The following ADAMTS9 variants were observed in gnomAD, a reference collection of about 807,000 sequenced individuals.
ADAMTS9 encodes the protein A disintegrin and metalloproteinase with thrombospondin motifs 9.
A neutral mutation model predicts 257.1 loss-of-function variants in ADAMTS9; 107 were observed. The observed-to-expected ratio is 0.42, with a 90% confidence interval of 0.36 to 0.49. The LOEUF (loss-of-function observed/expected upper bound fraction) is 0.49. Ranked by LOEUF, ADAMTS9 falls within the 20% of genes least tolerant of loss-of-function variation. The pLI is 0.03. For missense variants in ADAMTS9, 2,353 were observed against 2,469.1 expected, an observed-to-expected ratio of 0.95 and a Z score of 1.00; for synonymous variants, 982 against 880.9, an observed-to-expected ratio of 1.11 and a Z score of -2.03.
chr3:64,633,343 C>T lies in ADAMTS9; in HGVS notation c.2175+129G>A. ...ATTGATGCTGTTGCTGATCCCGGGG[C>T]CACACTTTGAGAACCACTGCCCTGG... On this transcript the variant is annotated intron_variant, in intron 14 of 39. Coordinates refer to ENST00000498707, the MANE Select transcript of ADAMTS9 (RefSeq NM_182920.2). 2.9e-6 allele frequency: 4 copies of T among 1,380,744 alleles called. No individual in the cohort carries two copies. The South Asian group carries it at 5.5e-5, about 19-fold the overall frequency. The allele number at this position is 1,380,744 out of a possible 1,614,324, so 85.5% of individuals were successfully genotyped here.
chr3:64,618,176 C>T (rs1700012283), intron 19 of ADAMTS9, among the ~76,000 whole-genome samples: 1 of 152,154 alleles, frequency 6.6e-6, no homozygotes, highest in Non-Finnish European at 1.5e-5. Flanking sequence ...GAAACTAATC[C>T]TAAACTCCTG....
At chr3:64,661,313 G>A (rs35386077) in intron 3 of ADAMTS9, among the ~76,000 whole-genome samples, 52,080 of 151,824 alleles carry the variant, frequency 0.34, 9,015 homozygotes, top group East Asian at 0.47. Context: ...ACATATATGA[G>A]CTTTCAATAT....
At position 64,533,203 on chromosome 3, in the gene ADAMTS9, T is replaced by C. The variant is rs371438351; in HGVS notation, c.5681A>G (p.Gln1894Arg). ...SLTESARWIS[Q>R]GNYAVSDIKK... Reference sequence around the variant, plus strand: ...GATGTCAGAGACAGCATAATTCCCTTGTGATATCCATCTGGCAGATTCAGT... The same window carrying C: ...GATGTCAGAGACAGCATAATTCCCTCGTGATATCCATCTGGCAGATTCAGT... Residue 1894 changes from glutamine (Q) to arginine (R), a missense_variant, in exon 38 of 40, where the codon CAA becomes CGA. Gln to Arg is a conservative substitution (Grantham distance 43, BLOSUM62 1). Around this residue, in one of 3 missense-constraint regions of ADAMTS9, gnomAD observed 1,402 missense variants for 1,441.4 expected, o/e 0.97. Coordinates refer to ENST00000498707, the MANE Select transcript of ADAMTS9 (RefSeq NM_182920.2). 5.6e-6 allele frequency: 9 copies of C among 1,614,012 alleles called. No homozygotes were observed. In the African/African-American group the frequency reaches 9.3e-5, roughly 17 times the overall value.
At chr3:64,568,995 A>G (rs2083611377) in intron 28 of ADAMTS9, 1 of 157,758 alleles carries the variant, frequency 6.3e-6, no homozygotes, top group African/African-American at 2.4e-5. Flanking sequence ...CATTTTCCAG[A>G]GGATAAGCTC....
chr3:64,533,148 C>T lies in ADAMTS9; in HGVS notation c.5718+18G>A, dbSNP rs1392888224. The T allele has an allele frequency of 6.3e-7, 1 of 1,589,200 alleles. No homozygotes were observed. Among genetic ancestry groups the T allele is most frequent in the Admixed American group, 1.7e-5 (1 of 59,590 alleles). ...AAGAAATAAAAATTCATCTCCCAACCCATCTGTAGAACCTTACCGGCGACT... is the reference window on the plus strand; with the variant it reads ...AAGAAATAAAAATTCATCTCCCAACTCATCTGTAGAACCTTACCGGCGACT... On this transcript the variant is annotated intron_variant, in intron 38 of 39. Transcript: ENST00000498707.
intron 19 of ADAMTS9, among the ~76,000 whole-genome samples, chr3:64,618,657 T>C (rs924343249): frequency 1.3e-5 from 2 of 152,170 alleles, no homozygotes; most frequent in Non-Finnish European, 2.9e-5. Context: ...AGGCAAGCCA[T>C]GTGTAGCATT....
intron 4 of ADAMTS9, among the ~76,000 whole-genome samples, chr3:64,657,693 A>AT (rs71102810): frequency 0.36 from 54,256 of 151,654 alleles, 9,811 homozygotes; most frequent in South Asian, 0.47. Flanking sequence ...AAAATTAGGA[A>AT]TTTTTTTTAA....
Position 64,594,369 on chromosome 3 carries a change from T to C in ADAMTS9, c.4245A>G (p.Glu1415=), listed in dbSNP as rs1207278400. Residue 1415 remains glutamate (E), a synonymous_variant, in exon 28 of 40, where the codon GAA becomes GAG. Transcript: ENST00000498707. ...TTTCACAGCTCAAATCTGGAAACCGTTCACCGTTGGACCGCTGACAGACCA... is the reference window on the plus strand; with the variant it reads ...TTTCACAGCTCAAATCTGGAAACCGCTCACCGTTGGACCGCTGACAGACCA... ...RLVVCQRSNG[E]RFPDLSCEIL... The C allele has an allele frequency of 6.2e-7, 1 of 1,614,068 alleles. No individual in the cohort carries two copies. The highest frequency in any genetic ancestry group is 1.7e-5 in the Admixed American group (1 of 60,012).
At chr3:64,530,042 TTG>T (rs2082957984) in intron 38 of ADAMTS9, among the ~76,000 whole-genome samples, 1 of 147,122 alleles carries the variant, frequency 6.8e-6, no homozygotes, top group African/African-American at 2.5e-5. Context: ...CAAGCTGGTC[TTG>T]AATTCCTGGG....
chr3:64,592,969 C>T (rs2084290426), intron 28 of ADAMTS9, among the ~76,000 whole-genome samples: 1 of 152,048 alleles, frequency 6.6e-6, no homozygotes, highest in East Asian at 1.9e-4. Flanking sequence ...GAAGATGTTC[C>T]TGAGATTCTA....
chr3:64,639,294 T>TTTTTTG (rs369482429), intron 12 of ADAMTS9, among the ~76,000 whole-genome samples: 1 of 31,454 alleles, frequency 3.2e-5, no homozygotes, highest in African/African-American at 4.1e-4. Flanking sequence ...AGGTGGATTG[T>TTTTTTG]TTTTTTTTTT....
intron 16 of ADAMTS9, among the ~76,000 whole-genome samples, chr3:64,630,913 T>G (rs1700353258): frequency 6.6e-6 from 1 of 152,192 alleles, no homozygotes; most frequent in South Asian, 2.1e-4. Context: ...CTCAGTTCAG[T>G]GAGAAGAGGA....
chr3:64,620,782 T>C (rs556981541), intron 19 of ADAMTS9, among the ~76,000 whole-genome samples: 67 of 152,334 alleles, frequency 4.4e-4, no homozygotes, highest in African/African-American at 1.6e-3. Flanking sequence ...CTCCCCCTTT[T>C]CTTTTGACTT....
chr3:64,620,177 C>T (rs926627786), intron 19 of ADAMTS9, among the ~76,000 whole-genome samples: 1 of 152,108 alleles, frequency 6.6e-6, no homozygotes, highest in African/African-American at 2.4e-5. Context: ...GACACTCGTA[C>T]CATAACTGCT....
intron 9 of ADAMTS9, chr3:64,650,403 C>G (rs975639313): frequency 6.6e-6 from 1 of 152,396 alleles, no homozygotes; most frequent in African/African-American, 2.4e-5. Context: ...GCGAGAAGAG[C>G]AATAAATCTG....
At position 64,531,461 on chromosome 3, in the gene ADAMTS9, T is replaced by C. The variant is rs1185482259; in HGVS notation, c.5718+1705A>G. ...GTACACTTATTGTAAACAGTGTTCA[T>C]TGTGTACTTAAAAAAAAAAAAAAAG... On this transcript the variant is annotated intron_variant, in intron 38 of 39. Coordinates refer to ENST00000498707, the MANE Select transcript of ADAMTS9 (RefSeq NM_182920.2). Among the ~76,000 whole-genome samples, 4 of 150,664 alleles carry C rather than the reference T, an allele frequency of 2.7e-5. No homozygotes were observed. In the South Asian group the frequency reaches 8.4e-4, roughly 32 times the overall value.
At position 64,622,285 on chromosome 3, in the gene ADAMTS9, A is replaced by G; in HGVS notation, c.2599T>C (p.Ser867Pro). 1 of 1,614,002 alleles carries G rather than the reference A, an allele frequency of 6.2e-7. No individual in the cohort carries two copies. The highest frequency in any genetic ancestry group is 2.2e-5 in the East Asian group (1 of 44,834). The change falls in exon 18 of 40, where the codon TCT becomes CCT. Residue 867 changes from serine to proline, a missense_variant. By Grantham distance (74) the Ser-to-Pro change is moderately conservative (BLOSUM62 -1). Coordinates refer to ENST00000498707, the MANE Select transcript of ADAMTS9 (RefSeq NM_182920.2). ...GKLYNPDVRY[S>P]FNIPIEDKPQ... ...TTATCTTCAATTGGAATATTGAAAG[A>G]ATAGCGTACATCGGGGTTGTACAAC...
chr3:64,664,378 T>C (rs1701293014), intron 3 of ADAMTS9, among the ~76,000 whole-genome samples: 1 of 152,212 alleles, frequency 6.6e-6, no homozygotes, highest in African/African-American at 2.4e-5. Flanking sequence ...CATCTAACTT[T>C]AGAATATTTT....
rs541120280 is a variant in ADAMTS9 at position 64,516,018 on chromosome 3, T to A, written c.*1109A>T. The A allele has an allele frequency of 1.1e-4, 17 of 152,314 alleles. No individual in the cohort carries two copies. Among genetic ancestry groups the A allele is most frequent in the African/African-American group, 4.1e-4 (17 of 41,554 alleles). The allele number at this position is 152,314 out of a possible 1,614,324, so 9.4% of individuals were successfully genotyped here. On this transcript the variant is annotated 3_prime_UTR_variant, in exon 40 of 40. Transcript: ENST00000498707. ...GTTCATTTCTTCACACAAACGTCCA[T>A]TACTGCAGCGGGCATGAAAACCGGC...
Sources: gnomAD v4.1 joint callset for allele counts (sites outside exome capture counted in the v4.1 genomes callset) on GRCh38, gnomAD v4.1.1 for gene constraint, gnomAD v4.1.1 regional missense constraint, MANE v1.5 for transcripts, NCBI Gene and HGNC (gene_info 2026-07-23, HGNC 2026-07-21) for gene names.